The following PLCB1 variants were observed in gnomAD, a reference collection of about 807,000 sequenced individuals.
The protein encoded by PLCB1 is 1-phosphatidylinositol 4,5-bisphosphate phosphodiesterase beta-1.
PLCB1 carries 46 observed loss-of-function variants against 161.8 expected under a neutral mutation model. That is an observed-to-expected ratio of 0.28 (90% CI 0.22 to 0.36). PLCB1 has a LOEUF of 0.36. PLCB1 is among the 10% of genes least tolerant of loss of function. The pLI, the probability that PLCB1 is intolerant of heterozygous loss-of-function variation, is 1.00. For missense variants in PLCB1, 1,016 were observed against 1,472.5 expected (o/e 0.69, Z 5.07); for synonymous variants, 517 against 503.7 (o/e 1.03, Z -0.35).
intron 2 of PLCB1, among the ~76,000 whole-genome samples, chr20:8,156,226 G>A (rs1432283496): frequency 6.6e-6 from 1 of 152,170 alleles, no homozygotes; most frequent in Non-Finnish European, 1.5e-5. Context: ...GGATTCAGTG[G>A]ATAAATACCA....
At chr20:8,271,962 A>G (rs1982306441) in intron 2 of PLCB1, among the ~76,000 whole-genome samples, 1 of 152,136 alleles carries the variant, frequency 6.6e-6, no homozygotes, top group Non-Finnish European at 1.5e-5. Context: ...TTTCTAAGGA[A>G]TAATGACTAA....
rs73591749 is a variant in PLCB1 at position 8,355,407 on chromosome 20, T to C, written c.178-15975T>C. 5.1e-3 allele frequency among the ~76,000 whole-genome samples: 771 copies of C among 152,278 alleles called. 9 individuals are homozygous for C. Among genetic ancestry groups the C allele is most frequent in the African/African-American group, 0.018 (732 of 41,556 alleles). On this transcript the variant is annotated intron_variant, in intron 2 of 31. Transcript: ENST00000338037. ...GGTGATTTTCTTCTACCTGGTGATT[T>C]AGGGACTTAGACTCTGTCCAATCTA...
intron 31 of PLCB1, among the ~76,000 whole-genome samples, chr20:8,795,894 A>AGAAAC (rs1301215435): frequency 2.0e-5 from 3 of 150,580 alleles, no homozygotes; most frequent in Non-Finnish European, 4.4e-5. Context: ...AAAAAAAAAA[A>AGAAAC]GAAAAGAAAA....
intron 27 of PLCB1, among the ~76,000 whole-genome samples, chr20:8,780,844 A>G (rs1983181599): frequency 6.6e-6 from 1 of 152,226 alleles, no homozygotes; most frequent in Admixed American, 6.5e-5. Context: ...TGTTCAATGG[A>G]GATAAAAATA....
chr20:8,148,665 T>G (rs1033355396), intron 1 of PLCB1, among the ~76,000 whole-genome samples: 1 of 152,194 alleles, frequency 6.6e-6, no homozygotes, highest in East Asian at 1.9e-4. Context: ...CATCAGTGGA[T>G]GAATGGATAA....
At chr20:8,628,581 A>G in intron 4 of PLCB1, 150 bp downstream of exon 4, 1 of 702,876 alleles carries the variant, frequency 1.4e-6, no homozygotes, top group Non-Finnish European at 2.4e-6. Flanking sequence ...TATAAGTGCA[A>G]TTAAAATACT....
At chr20:8,513,747 T>G (rs910852538) in intron 3 of PLCB1, among the ~76,000 whole-genome samples, 2 of 152,176 alleles carry the variant, frequency 1.3e-5, no homozygotes, top group South Asian at 4.1e-4. Context: ...CAGTGGCTCA[T>G]GCTTGTAATC....
At chr20:8,151,365 G>A (rs1167624658) in intron 2 of PLCB1, among the ~76,000 whole-genome samples, 1 of 152,156 alleles carries the variant, frequency 6.6e-6, no homozygotes, top group African/African-American at 2.4e-5. Flanking sequence ...TCTGAGGCAA[G>A]CTCAATTATA....
intron 3 of PLCB1, among the ~76,000 whole-genome samples, chr20:8,451,830 CTCT>C (rs934510091): frequency 4.6e-5 from 7 of 150,982 alleles, no homozygotes; most frequent in East Asian, 1.9e-4. Flanking sequence ...TTCCATCTCC[CTCT>C]TCTTCTTTCT....
chr20:8,784,240 A>G (rs958672107), intron 27 of PLCB1, among the ~76,000 whole-genome samples: 6 of 152,128 alleles, frequency 3.9e-5, no homozygotes, highest in African/African-American at 1.2e-4. Context: ...CCGTGTGGGC[A>G]GAACTTCAGT....
chr20:8,691,283 A>G (rs547608108), intron 10 of PLCB1, among the ~76,000 whole-genome samples: 18 of 152,246 alleles, frequency 1.2e-4, no homozygotes, highest in African/African-American at 4.3e-4. Context: ...GCCTAATCCA[A>G]TTGAATCCTA....
At chr20:8,403,653 G>A (rs1393639773) in intron 3 of PLCB1, among the ~76,000 whole-genome samples, 1 of 151,576 alleles carries the variant, frequency 6.6e-6, no homozygotes, top group African/African-American at 2.4e-5. Flanking sequence ...CCAGCTACTT[G>A]GAAGCCTGAA....
intron 2 of PLCB1, among the ~76,000 whole-genome samples, chr20:8,215,729 GCT>G (rs1294731369): frequency 1.3e-5 from 2 of 151,942 alleles, no homozygotes; most frequent in Non-Finnish European, 2.9e-5. Context: ...AGTGTTCTGG[GCT>G]CAGATCCAAA....
chr20:8,478,296 G>A (rs1266921744), intron 3 of PLCB1, among the ~76,000 whole-genome samples: 2 of 152,082 alleles, frequency 1.3e-5, no homozygotes, highest in Non-Finnish European at 2.9e-5. Flanking sequence ...TACACAACTC[G>A]TGTGTTATTA....
At chr20:8,232,249 G>T (rs987486704) in intron 2 of PLCB1, among the ~76,000 whole-genome samples, 1 of 149,458 alleles carries the variant, frequency 6.7e-6, no homozygotes, top group Non-Finnish European at 1.5e-5. Flanking sequence ...GAGAGAGAGA[G>T]AAAAGATCAT....
intron 2 of PLCB1, among the ~76,000 whole-genome samples, chr20:8,317,481 T>C (rs1246976001): frequency 6.6e-6 from 1 of 152,082 alleles, no homozygotes; most frequent in Non-Finnish European, 1.5e-5. Context: ...CACAAGCTAG[T>C]ACTCAGCAAG....
Position 8,765,224 on chromosome 20 carries a change from C to G in PLCB1, c.2796C>G (p.Asp932Glu). 6.2e-7 allele frequency: 1 copy of G among 1,613,906 alleles called. No individual in the cohort carries two copies. The highest frequency in any genetic ancestry group is 8.5e-7 in the Non-Finnish European group (1 of 1,179,842). ...LQKKHYKEMK[D>E]LVKRHHKKTT... ...AGAAACACTACAAAGAAATGAAAGACCTGGTTAAGAGACACCACAAGAAAA... is the reference window on the plus strand; with the variant it reads ...AGAAACACTACAAAGAAATGAAAGAGCTGGTTAAGAGACACCACAAGAAAA... The change falls in exon 26 of 32, where the codon GAC (aspartate) becomes GAG (glutamate). Residue 932 changes from aspartate (D) to glutamate (E), a missense_variant. Coordinates refer to ENST00000338037, the MANE Select transcript of PLCB1 (RefSeq NM_015192.4).
intron 2 of PLCB1, among the ~76,000 whole-genome samples, chr20:8,266,991 C>T (rs938352183): frequency 2.0e-5 from 3 of 149,826 alleles, no homozygotes; most frequent in East Asian, 2.0e-4. Context: ...GAGCCTAGAT[C>T]GTGCCATTGT....
At chr20:8,766,542 A>C (rs1318926554) in intron 26 of PLCB1, among the ~76,000 whole-genome samples, 1 of 152,244 alleles carries the variant, frequency 6.6e-6, no homozygotes. Flanking sequence ...GGAGTGAAAC[A>C]GGATGAGATC....
Sources: gnomAD v4.1 joint callset for allele counts (sites outside exome capture counted in the v4.1 genomes callset) on GRCh38, gnomAD v4.1.1 for gene constraint, MANE v1.5 for transcripts, NCBI Gene and HGNC (gene_info 2026-07-23, HGNC 2026-07-21) for gene names.